MCTP2: variants seen among roughly 807,000 people sequenced by gnomAD.
MCTP2 encodes multiple C2 and transmembrane domain containing 2, also known as multiple C2 and transmembrane domain-containing protein 2.
MCTP2 carries 132 observed loss-of-function variants against 111.6 expected under a neutral mutation model. The ratio of observed to expected loss-of-function variants is 1.18; its 90% CI spans 1.03 to 1.37. The LOEUF (loss-of-function observed/expected upper bound fraction) is 1.37, where lower values mean the gene tolerates loss of function less well. MCTP2 is among the 40% of genes most tolerant of loss of function. The pLI is 0.00. For missense variants in MCTP2, 1,183 were observed against 1,067.9 expected, an observed-to-expected ratio of 1.11 and a Z score of -1.50; for synonymous variants, 395 against 387.7, an observed-to-expected ratio of 1.02 and a Z score of -0.22.
At chr15:94,313,161 A>G (rs979693164) in intron 2 of MCTP2, among the ~76,000 whole-genome samples, 3 of 152,226 alleles carry the variant, frequency 2.0e-5, no homozygotes, top group East Asian at 1.9e-4. Context: ...TGTGCCAAAC[A>G]GGAATATCCT....
intron 1 of MCTP2, among the ~76,000 whole-genome samples, chr15:94,248,678 TTAAGTC>T (rs2072189966): frequency 6.6e-6 from 1 of 152,014 alleles, no homozygotes; most frequent in Admixed American, 6.6e-5. Context: ...TTCCTCTACT[TTAAGTC>T]TAAATCTTTT....
intron 4 of MCTP2, among the ~76,000 whole-genome samples, chr15:94,323,820 CT>C (rs1233037490): frequency 6.6e-6 from 1 of 152,158 alleles, no homozygotes; most frequent in Non-Finnish European, 1.5e-5. Context: ...TTGTGTTCAT[CT>C]GACCCTCCCT....
chr15:94,415,241 C>A (rs116327118), intron 17 of MCTP2, among the ~76,000 whole-genome samples: 2 of 152,196 alleles, frequency 1.3e-5, no homozygotes, highest in South Asian at 2.1e-4. Flanking sequence ...GGAAAGGTGA[C>A]GCTCCTTGTC....
At chr15:94,420,622 A>C (rs1299422225) in intron 17 of MCTP2, among the ~76,000 whole-genome samples, 2 of 152,148 alleles carry the variant, frequency 1.3e-5, no homozygotes, top group African/African-American at 4.8e-5. Context: ...AGAAATAGCA[A>C]GAATAGAATT....
intron 2 of MCTP2, among the ~76,000 whole-genome samples, chr15:94,302,172 CT>C (rs1567365535): frequency 6.6e-6 from 1 of 152,246 alleles, no homozygotes; most frequent in East Asian, 1.9e-4. Context: ...TGTACCAGCG[CT>C]TCTCTGGTGC....
At chr15:94,465,317 G>A (rs529716705) in intron 20 of MCTP2, among the ~76,000 whole-genome samples, 7 of 151,956 alleles carry the variant, frequency 4.6e-5, no homozygotes, top group Non-Finnish European at 1.0e-4. Context: ...CTGAAATCAT[G>A]GATAGTACTG....
At chr15:94,456,879 G>T (rs993447300) in intron 19 of MCTP2, among the ~76,000 whole-genome samples, 1 of 152,186 alleles carries the variant, frequency 6.6e-6, no homozygotes, top group Non-Finnish European at 1.5e-5. Context: ...TGCAAGAAGG[G>T]TGGTTTGTGT....
intron 14 of MCTP2, among the ~76,000 whole-genome samples, chr15:94,391,169 G>A (rs1013101981): frequency 4.6e-5 from 7 of 151,910 alleles, no homozygotes; most frequent in African/African-American, 1.5e-4. Flanking sequence ...ATGTACACCC[G>A]ATAGCTGGCT....
At position 94,356,331 on chromosome 15, in the gene MCTP2, A is replaced by G. The variant is rs576570953; in HGVS notation, c.1170+30A>G. 9 of 1,495,996 alleles carry G rather than the reference A, an allele frequency of 6.0e-6. No individual in the cohort carries two copies. In the African/African-American group the frequency reaches 1.0e-4, roughly 17 times the overall value. The allele number at this position is 1,495,996 out of a possible 1,614,324, so 92.7% of individuals were successfully genotyped here. On this transcript the variant is annotated intron_variant, in intron 9 of 22. Transcript: ENST00000357742. ...GTTCCATCTTTTCCATAAGGAGAAC[A>G]GTATCTTTAAAATAAAAAAAAATTA...
At chr15:94,242,472 C>G (rs2071044133) in intron 1 of MCTP2, among the ~76,000 whole-genome samples, 1 of 152,086 alleles carries the variant, frequency 6.6e-6, no homozygotes, top group South Asian at 2.1e-4. Context: ...TCAGCTTTCT[C>G]AGAGATCAGG....
At chr15:94,374,315 C>T (rs1460279400) in intron 12 of MCTP2, among the ~76,000 whole-genome samples, 1 of 152,178 alleles carries the variant, frequency 6.6e-6, no homozygotes, top group African/African-American at 2.4e-5. Flanking sequence ...CACATGACAA[C>T]ACCTATGTTA....
intron 1 of MCTP2, among the ~76,000 whole-genome samples, chr15:94,253,188 T>C (rs1216533754): frequency 6.6e-6 from 1 of 152,214 alleles, no homozygotes; most frequent in Non-Finnish European, 1.5e-5. Flanking sequence ...ACACACTTGT[T>C]TGAGGAGAGA....
chr15:94,406,596 G>A (rs146930400), intron 17 of MCTP2, among the ~76,000 whole-genome samples: 287 of 152,262 alleles, frequency 1.9e-3, no homozygotes, highest in Non-Finnish European at 3.4e-3. Flanking sequence ...GTGATGATGA[G>A]ACCAAAATTA....
At chr15:94,427,882 C>A (rs1204267913) in intron 17 of MCTP2, among the ~76,000 whole-genome samples, 1 of 152,022 alleles carries the variant, frequency 6.6e-6, no homozygotes, top group Non-Finnish European at 1.5e-5. Flanking sequence ...TGAGAAAAAT[C>A]TTCTCCTTCA....
rs1480822477 is a variant in MCTP2 at position 94,263,391 on chromosome 15, A to G, written c.-66+31727A>G. On this transcript the variant is annotated intron_variant, in intron 1 of 22. Transcript: ENST00000357742. ...GTTAGCTTCCTTTCAGCCTCTGGCCACAATATTTTTGCCACCCTATTAATA... is the reference window on the plus strand; with the variant it reads ...GTTAGCTTCCTTTCAGCCTCTGGCCGCAATATTTTTGCCACCCTATTAATA... 2.0e-5 allele frequency among the ~76,000 whole-genome samples: 3 copies of G among 152,232 alleles called. No homozygotes were observed. In the East Asian group the frequency reaches 5.8e-4, roughly 29 times the overall value.
intron 1 of MCTP2, among the ~76,000 whole-genome samples, chr15:94,247,501 G>C (rs191985075): frequency 6.6e-6 from 1 of 152,238 alleles, no homozygotes; most frequent in East Asian, 1.9e-4. Flanking sequence ...CTGTTGTGGA[G>C]TTCAGGGGCT....
chr15:94,271,651 A>G (rs1010335633), intron 1 of MCTP2, among the ~76,000 whole-genome samples: 1 of 152,158 alleles, frequency 6.6e-6, no homozygotes, highest in African/African-American at 2.4e-5. Flanking sequence ...GGTATAATAT[A>G]CTTATTTGAA....
intron 1 of MCTP2, among the ~76,000 whole-genome samples, chr15:94,251,788 T>G (rs1275396671): frequency 6.6e-6 from 1 of 152,206 alleles, no homozygotes; most frequent in Non-Finnish European, 1.5e-5. Context: ...CACTGTTTCC[T>G]CATTGTCCTC....
At chr15:94,303,064 A>ATATATATATAGTTTATATATATATAGTT (rs1555448624) in intron 2 of MCTP2, among the ~76,000 whole-genome samples, 18,123 of 125,498 alleles carry the variant, frequency 0.14, 1,622 homozygotes, top group Non-Finnish European at 0.2. Flanking sequence ...CTAATGGAAT[A>ATATATATATAGTTTATATATATATAGTT]TATATATATA....
Sources: gnomAD v4.1 joint callset for allele counts (sites outside exome capture counted in the v4.1 genomes callset) on GRCh38, gnomAD v4.1.1 for gene constraint, MANE v1.5 for transcripts, NCBI Gene and HGNC (gene_info 2026-07-23, HGNC 2026-07-21) for gene names.